The following PMEPA1 variants were observed in gnomAD, a reference collection of about 807,000 sequenced individuals.
PMEPA1 encodes protein TMEPAI.
In PMEPA1, 11 loss-of-function variants were observed where a neutral mutation model predicts 23.0. The ratio of observed to expected loss-of-function variants is 0.48; its 90% confidence interval spans 0.30 to 0.79. The LOEUF is 0.79. PMEPA1 is among the 30% of genes least tolerant of loss of function. PMEPA1 has a pLI of 0.06. For synonymous variants in PMEPA1, 204 were observed against 166.4 expected, an observed-to-expected ratio of 1.23 and a Z score of -1.74; for missense variants, 377 against 390.9, an observed-to-expected ratio of 0.96 and a Z score of 0.30.
At position 57,697,495 on chromosome 20, in the gene PMEPA1, G is replaced by A. The variant is rs142387756; in HGVS notation, c.109+11979C>T. Among the ~76,000 whole-genome samples, 11 of 152,322 alleles carry A rather than the reference G, an allele frequency of 7.2e-5. No individual in the cohort carries two copies. In the East Asian group the frequency reaches 2.1e-3, roughly 29 times the overall value. On this transcript the variant is annotated intron_variant, in intron 1 of 3. Coordinates refer to ENST00000341744, the MANE Select transcript of PMEPA1 (RefSeq NM_020182.5). ...CTGGCTGGATTCTACAGGGTTACTGGCAAATTTCTCCTCCAGTGAACTTTC... is the reference window on the plus strand; with the variant it reads ...CTGGCTGGATTCTACAGGGTTACTGACAAATTTCTCCTCCAGTGAACTTTC...
chr20:57,709,897 CT>C lies in PMEPA1; in HGVS notation c.-316del. 9.9e-7 allele frequency: 1 copy of C among 1,006,846 alleles called. No individual in the cohort carries two copies. The highest frequency in any genetic ancestry group is 1.2e-6 in the Non-Finnish European group (1 of 847,278). The allele number at this position is 1,006,846 out of a possible 1,614,324, so 62.4% of individuals were successfully genotyped here. A position where few individuals can be genotyped will look rare whatever the true frequency, so the allele number is the denominator to read the frequency against. On this transcript the variant is annotated 5_prime_UTR_variant, in exon 1 of 4. The change abolishes the stop of an existing upstream ORF in the 5' untranslated region. Transcript: ENST00000341744. ...GCCGGGGCTGAGCCTCTGCCGCTAG[CT>C]TTCCCCAGCCGAGCGCCTCCGCCGC...
chr20:57,666,350 G>A (rs1461994020), intron 1 of PMEPA1, among the ~76,000 whole-genome samples: 2 of 152,006 alleles, frequency 1.3e-5, no homozygotes, highest in African/African-American at 2.4e-5. Flanking sequence ...CAGGGGGGCC[G>A]AACCCTTTAT....
At chr20:57,660,376 C>T (rs1011086348) in intron 1 of PMEPA1, among the ~76,000 whole-genome samples, 7 of 151,622 alleles carry the variant, frequency 4.6e-5, no homozygotes, top group African/African-American at 9.7e-5. Flanking sequence ...ACACACACAA[C>T]GCTCCTAAGT....
chr20:57,664,568 T>C (rs2071467405), intron 1 of PMEPA1, among the ~76,000 whole-genome samples: 1 of 149,732 alleles, frequency 6.7e-6, no homozygotes, highest in African/African-American at 2.5e-5. Flanking sequence ...CGTGCCTGCA[T>C]TTGTTCCGAG....
In PMEPA1 at chr20:57,652,587, G is replaced by A. The variant is rs2071264082; in HGVS notation, c.330C>T (p.Tyr110=). The change falls in exon 4 of 4, where the codon TAC becomes TAT. Residue 110 remains tyrosine, a synonymous_variant. Coordinates refer to ENST00000341744, the MANE Select transcript of PMEPA1 (RefSeq NM_020182.5). This position sits in a 1 kb window ranked among gnomAD's most constrained non-coding sequence, Gnocchi z 6.1. ...GGCGGTCGGTGGGCCGAGGCGGGGC[G>A]TAGACCTGCGGCTGGAGGAAGCAGA... ...SGNGIPEPQV[Y]APPRPTDRLA... 6 of 1,486,250 alleles carry A rather than the reference G, an allele frequency of 4.0e-6. No individual in the cohort carries two copies. The highest frequency in any genetic ancestry group is 2.5e-5 in the Admixed American group (1 of 39,762). The allele number at this position is 1,486,250 out of a possible 1,614,324, so 92.1% of individuals were successfully genotyped here.
At chr20:57,673,666 G>A (rs547761109) in intron 1 of PMEPA1, among the ~76,000 whole-genome samples, 69 of 152,302 alleles carry the variant, frequency 4.5e-4, no homozygotes, top group Non-Finnish European at 7.5e-4. Context: ...CCAGCTACAA[G>A]GAAAAGAGTG....
intron 1 of PMEPA1, among the ~76,000 whole-genome samples, chr20:57,669,933 A>T (rs766652198): frequency 6.6e-6 from 1 of 152,210 alleles, no homozygotes; most frequent in African/African-American, 2.4e-5. Context: ...AGCTGCTCCC[A>T]TAACGAGGCT....
intron 1 of PMEPA1, among the ~76,000 whole-genome samples, chr20:57,685,334 G>C (rs1444008905): frequency 1.3e-5 from 2 of 152,196 alleles, no homozygotes; most frequent in African/African-American, 2.4e-5. Flanking sequence ...CAGTTTATGA[G>C]CAAGTGTTTT....
intron 1 of PMEPA1, among the ~76,000 whole-genome samples, chr20:57,695,870 A>G (rs1223785667): frequency 2.0e-5 from 3 of 152,194 alleles, no homozygotes; most frequent in Non-Finnish European, 2.9e-5. Flanking sequence ...TCCCAGAGGT[A>G]GTGGGTCTGG....
chr20:57,665,910 C>T (rs925156332), intron 1 of PMEPA1, among the ~76,000 whole-genome samples: 2 of 152,182 alleles, frequency 1.3e-5, no homozygotes, highest in Non-Finnish European at 2.9e-5. Flanking sequence ...GGGGAGGCAC[C>T]TTTCTCTCCC....
At position 57,692,690 on chromosome 20, in the gene PMEPA1, G is replaced by A. The variant is rs151211441; in HGVS notation, c.109+16784C>T. 2.1e-3 allele frequency among the ~76,000 whole-genome samples: 315 copies of A among 152,338 alleles called. 1 individual carries two copies. The highest frequency in any genetic ancestry group is 7.3e-3 in the African/African-American group (305 of 41,574). On this transcript the variant is annotated intron_variant, in intron 1 of 3. Coordinates refer to ENST00000341744, the MANE Select transcript of PMEPA1 (RefSeq NM_020182.5). ...GCCAGCCGGGTGCCACTGGCAGGGCGGCTTGTGGAAGCCATGGTCACCTGG... is the reference window on the plus strand; with the variant it reads ...GCCAGCCGGGTGCCACTGGCAGGGCAGCTTGTGGAAGCCATGGTCACCTGG...
intron 1 of PMEPA1, among the ~76,000 whole-genome samples, chr20:57,664,369 C>A (rs1389629018): frequency 6.6e-6 from 1 of 152,372 alleles, no homozygotes; most frequent in East Asian, 1.9e-4. Flanking sequence ...AGCATGGGCT[C>A]CCTCCCCACA....
rs1042486876 is a variant in PMEPA1, at chr20:57,683,586, T to C, written c.110-23889A>G. ...GTGTGTGTGTGTGTGTGTGTGTGTT[T>C]CTTTTAAAAGTCTCTTCCCCTGAAA... is the stretch of plus-strand genomic sequence containing the variant. On this transcript the variant is annotated intron_variant, in intron 1 of 3. Transcript: ENST00000341744. This position sits in a 1 kb window ranked among gnomAD's most constrained non-coding sequence, Gnocchi z 4.3. Among the ~76,000 whole-genome samples the C allele has an allele frequency of 2.6e-5, 4 of 152,070 alleles. No individual in the cohort carries two copies. Among genetic ancestry groups the C allele is most frequent in the African/African-American group, 9.7e-5 (4 of 41,394 alleles).
rs916634416 is a variant in PMEPA1, at chr20:57,692,678, C to T, written c.109+16796G>A. Among the ~76,000 whole-genome samples, 23 of 152,232 alleles carry T rather than the reference C, an allele frequency of 1.5e-4. 1 individual carries two copies. Among genetic ancestry groups the T allele is most frequent in the Non-Finnish European group, 1.0e-4 (7 of 68,030 alleles). On this transcript the variant is annotated intron_variant, in intron 1 of 3. Transcript: ENST00000341744. ...GTCCCACCCCATGCCAGCCGGGTGCCACTGGCAGGGCGGCTTGTGGAAGCC... is the reference window on the plus strand; with the variant it reads ...GTCCCACCCCATGCCAGCCGGGTGCTACTGGCAGGGCGGCTTGTGGAAGCC...
chr20:57,662,053 A>G (rs203371), intron 1 of PMEPA1, among the ~76,000 whole-genome samples: 75,791 of 145,848 alleles, frequency 0.52, 20,894 homozygotes, highest in African/African-American at 0.79. Flanking sequence ...CTGGGGCCGC[A>G]TCTGCACCCA....
At chr20:57,679,694 T>G (rs971754379) in intron 1 of PMEPA1, among the ~76,000 whole-genome samples, 1 of 152,346 alleles carries the variant, frequency 6.6e-6, no homozygotes, top group African/African-American at 2.4e-5. Context: ...TGGAGCCACA[T>G]AGGTGAATTT....
intron 1 of PMEPA1, among the ~76,000 whole-genome samples, chr20:57,660,890 A>C (rs1303418179): frequency 1.3e-5 from 2 of 151,954 alleles, no homozygotes; most frequent in Non-Finnish European, 2.9e-5. Context: ...CCCAACACAC[A>C]CCCCTCAACA....
At chr20:57,687,857 C>T (rs989271507) in intron 1 of PMEPA1, among the ~76,000 whole-genome samples, 4 of 152,330 alleles carry the variant, frequency 2.6e-5, no homozygotes, top group African/African-American at 9.6e-5. Context: ...AAACTCATTT[C>T]CAGCCCACAA....
chr20:57,656,359 C>T lies in PMEPA1; in HGVS notation c.264+3184G>A, dbSNP rs565266493. On this transcript the variant is annotated intron_variant, in intron 2 of 3. Coordinates refer to ENST00000341744, the MANE Select transcript of PMEPA1 (RefSeq NM_020182.5). This position sits in a 1 kb window ranked among gnomAD's most constrained non-coding sequence, Gnocchi z 4.7. ...CCCTGGGAAATGGGCCCTTGGTGGG[C>T]TGGGTTCTCTCGGGAGCAGGAGACC... Among the ~76,000 whole-genome samples, 19 of 151,702 alleles carry T rather than the reference C, an allele frequency of 1.3e-4. No homozygotes were observed. The South Asian group carries it at 1.9e-3, about 15-fold the overall frequency.
Sources: gnomAD v4.1 joint callset for allele counts (sites outside exome capture counted in the v4.1 genomes callset) on GRCh38, gnomAD v4.1.1 for gene constraint, Gnocchi (gnomAD v3.1) non-coding constraint, MANE v1.5 for transcripts, NCBI Gene and HGNC (gene_info 2026-07-23, HGNC 2026-07-21) for gene names.